DLGAP2: variants seen among roughly 807,000 people sequenced by gnomAD.
DLGAP2 encodes disks large-associated protein 2.
DLGAP2 carries 26 observed loss-of-function variants against 100.3 expected under a neutral mutation model. The observed-to-expected ratio is 0.26, with a 90% confidence interval of 0.19 to 0.36. The LOEUF (loss-of-function observed/expected upper bound fraction) is 0.36. Among genes scored for constraint, DLGAP2 ranks in the 10% least tolerant of loss-of-function variants. DLGAP2 has a pLI of 1.00. For missense variants in DLGAP2, 1,858 were observed against 1,453.2 expected (o/e 1.28, Z -4.53); for synonymous variants, 886 against 630.1 (o/e 1.41, Z -6.08).
At chr8:941,689 C>T (rs565490118) in intron 2 of DLGAP2, among the ~76,000 whole-genome samples, 1 of 152,168 alleles carries the variant, frequency 6.6e-6, no homozygotes, top group Non-Finnish European at 1.5e-5. Context: ...AGCTGTGTCC[C>T]CTCTATGTTA....
chr8:793,159 A>G (rs551297850), intron 1 of DLGAP2, among the ~76,000 whole-genome samples: 2 of 152,202 alleles, frequency 1.3e-5, no homozygotes, highest in South Asian at 2.1e-4. Context: ...GCTGATGTCT[A>G]TCTTCTAGAG....
At chr8:1,388,028 G>C (rs1443906237) in intron 3 of DLGAP2, among the ~76,000 whole-genome samples, 1 of 152,376 alleles carries the variant, frequency 6.6e-6, no homozygotes, top group South Asian at 2.1e-4. Flanking sequence ...CTGGCCAGAC[G>C]TGGATGCAGC....
chr8:1,349,558 A>G, intron 3 of DLGAP2, among the ~76,000 whole-genome samples: 2 of 146,544 alleles, frequency 1.4e-5, no homozygotes, highest in Non-Finnish European at 1.5e-5. Context: ...ACATCCACAC[A>G]CAGATAGGAA....
intron 1 of DLGAP2, among the ~76,000 whole-genome samples, chr8:743,456 C>T (rs1473489321): frequency 6.6e-6 from 1 of 152,116 alleles, no homozygotes. Flanking sequence ...GTTAAAAATA[C>T]AGAAGTATTT....
chr8:1,663,113 TAC>T (rs1203421696), intron 8 of DLGAP2, among the ~76,000 whole-genome samples: 1 of 101,586 alleles, frequency 9.8e-6, no homozygotes, highest in East Asian at 3.5e-4. Flanking sequence ...TGCCTGTGTG[TAC>T]ACAGTGTGGG....
chr8:1,137,935 C>G (rs1796451540), intron 2 of DLGAP2, among the ~76,000 whole-genome samples: 1 of 152,158 alleles, frequency 6.6e-6, no homozygotes, highest in Non-Finnish European at 1.5e-5. Context: ...GGACTGCAGG[C>G]ATGGGCCGCC....
intron 2 of DLGAP2, among the ~76,000 whole-genome samples, chr8:1,226,010 A>AGGTATATATGCATATATAT (rs1798406785): frequency 6.6e-6 from 1 of 152,140 alleles, no homozygotes; most frequent in Non-Finnish European, 1.5e-5. Context: ...CATTTCTCAT[A>AGGTATATATGCATATATAT]GGTATATATG....
At chr8:958,581 C>CAAAA (rs1563114216) in intron 2 of DLGAP2, among the ~76,000 whole-genome samples, 19 of 78,006 alleles carry the variant, frequency 2.4e-4, no homozygotes, top group Admixed American at 4.8e-4. Context: ...AACTAGACCT[C>CAAAA]CAAAAAAAAA....
chr8:1,124,151 C>T (rs887547110), intron 2 of DLGAP2, among the ~76,000 whole-genome samples: 6 of 152,198 alleles, frequency 3.9e-5, no homozygotes, highest in African/African-American at 1.4e-4. Context: ...AATCTAAATG[C>T]TGTCTGTGTA....
intron 2 of DLGAP2, among the ~76,000 whole-genome samples, chr8:979,561 C>T (rs1435263663): frequency 6.6e-6 from 1 of 152,284 alleles, no homozygotes; most frequent in East Asian, 1.9e-4. Flanking sequence ...ACTGTGTGGG[C>T]AGGTTTTGCA....
Position 1,058,727 on chromosome 8 carries a change from C to T in DLGAP2, c.73+150761C>T, listed in dbSNP as rs1031073431. Among the ~76,000 whole-genome samples, 6 of 152,218 alleles carry T rather than the reference C, an allele frequency of 3.9e-5. No homozygotes were observed. In the South Asian group the frequency reaches 8.3e-4, roughly 21 times the overall value. On this transcript the variant is annotated intron_variant, in intron 2 of 14. Transcript: ENST00000637795. Reference sequence around the variant, plus strand: ...GTTGTCACCTCTTAAGACAGATTGGCCTTATATTATATGGACAAGCTACAA... The same window carrying T: ...GTTGTCACCTCTTAAGACAGATTGGTCTTATATTATATGGACAAGCTACAA...
intron 3 of DLGAP2, among the ~76,000 whole-genome samples, chr8:1,469,706 T>G (rs973713860): frequency 2.6e-5 from 4 of 152,232 alleles, no homozygotes; most frequent in African/African-American, 4.8e-5. Context: ...AATTCTTTTT[T>G]GTATTAAATT....
At chr8:930,312 G>C (rs1306060538) in intron 2 of DLGAP2, among the ~76,000 whole-genome samples, 5 of 152,182 alleles carry the variant, frequency 3.3e-5, no homozygotes, top group African/African-American at 9.7e-5. Context: ...CCGGCCACCA[G>C]CGTTTAAAGA....
intron 3 of DLGAP2, among the ~76,000 whole-genome samples, chr8:1,304,119 ATAT>A (rs1208512504): frequency 6.6e-6 from 1 of 152,202 alleles, no homozygotes; most frequent in Non-Finnish European, 1.5e-5. Flanking sequence ...GGCCATTTTA[ATAT>A]TCATGAAATT....
intron 2 of DLGAP2, among the ~76,000 whole-genome samples, chr8:944,401 C>T (rs1799266344): frequency 6.6e-6 from 1 of 151,784 alleles, no homozygotes; most frequent in Non-Finnish European, 1.5e-5. Flanking sequence ...GTGGGTGATC[C>T]AGCAGGTGGT....
At chr8:1,089,432 TCCTC>T (rs2129041206) in intron 2 of DLGAP2, among the ~76,000 whole-genome samples, 1 of 152,290 alleles carries the variant, frequency 6.6e-6, no homozygotes, top group Admixed American at 6.5e-5. Flanking sequence ...TCCATCGCCT[TCCTC>T]CAGCATCAGG....
chr8:1,144,416 G>A (rs540958426), intron 2 of DLGAP2, among the ~76,000 whole-genome samples: 4 of 152,304 alleles, frequency 2.6e-5, no homozygotes, highest in South Asian at 2.1e-4. Flanking sequence ...CTGTGAAGAC[G>A]GTAAAGACAA....
intron 13 of DLGAP2, among the ~76,000 whole-genome samples, chr8:1,692,519 A>G (rs935576938): frequency 6.6e-6 from 1 of 152,160 alleles, no homozygotes; most frequent in Non-Finnish European, 1.5e-5. Context: ...AGTGGAGGAC[A>G]GGAAGAGGCG....
At chr8:964,848 C>T (rs1372664660) in intron 2 of DLGAP2, among the ~76,000 whole-genome samples, 6 of 152,164 alleles carry the variant, frequency 3.9e-5, no homozygotes, top group African/African-American at 1.4e-4. Flanking sequence ...GGTGGCCTTG[C>T]GATGGCCTTT....
Sources: allele counts gnomAD v4.1 joint callset (sites outside exome capture counted in the v4.1 genomes callset), GRCh38; gene constraint gnomAD v4.1.1; transcripts MANE v1.5; gene names NCBI Gene and HGNC (gene_info 2026-07-23, HGNC 2026-07-21).